The following KIFC3 variants were observed in gnomAD, a reference collection of about 807,000 sequenced individuals.
KIFC3 encodes kinesin-like protein KIFC3.
A neutral mutation model predicts 101.8 loss-of-function variants in KIFC3; 60 were observed. The observed-to-expected ratio is 0.59, with a 90% CI of 0.48 to 0.73. The LOEUF (loss-of-function observed/expected upper bound fraction) is 0.73, where lower values mean the gene tolerates loss of function less well. Ranked by LOEUF, KIFC3 falls within the 30% of genes least tolerant of loss-of-function variation. KIFC3 has a pLI of 0.00. For synonymous variants in KIFC3, 476 were observed against 482.7 expected, an observed-to-expected ratio of 0.99 and a Z score of 0.18; for missense variants, 966 against 1,137.1, an observed-to-expected ratio of 0.85 and a Z score of 2.16.
At chr16:57,850,598 C>G (rs2056032807) in intron 1 of KIFC3, among the ~76,000 whole-genome samples, 1 of 150,202 alleles carries the variant, frequency 6.7e-6, no homozygotes, top group African/African-American at 2.4e-5. Flanking sequence ...GCCTCAGCCT[C>G]CCAAATAGCT....
upstream of KIFC3, among the ~76,000 whole-genome samples, chr16:57,806,296 G>A (rs1198524491): frequency 6.6e-6 from 1 of 152,126 alleles, no homozygotes; most frequent in Non-Finnish European, 1.5e-5. Flanking sequence ...TGCCTGGAAA[G>A]CCCCTCTCCT....
chr16:57,824,929 C>T (rs528232588), intron 1 of KIFC3, among the ~76,000 whole-genome samples: 1 of 152,286 alleles, frequency 6.6e-6, no homozygotes, highest in East Asian at 1.9e-4. Flanking sequence ...CCAATGTGAG[C>T]CAGCACCATT....
chr16:57,771,568 G>A lies in KIFC3; in HGVS notation c.500C>T (p.Pro167Leu), dbSNP rs542693911. 6.2e-7 allele frequency: 1 copy of A among 1,613,442 alleles called. No homozygotes were observed. Among genetic ancestry groups the A allele is most frequent in the South Asian group, 1.1e-5 (1 of 91,068 alleles). ...CTGGCTGTGCTCACAACCTGGGCAG[G>A]GACCTGCTGGCTTTGTGCGCAGCTC... ...LQELRTKPAGPCPGCEHSQES... is the reference protein window; with the variant it reads ...LQELRTKPAGLCPGCEHSQES... The change falls in exon 5 of 20, where the codon CCC becomes CTC. Residue 167 changes from proline (P) to leucine (L), a missense_variant. Physicochemically the swap from Pro to Leu is moderately conservative, Grantham distance 98 (BLOSUM62 -3). Transcript: ENST00000445690.
At chr16:57,797,473 G>A (rs577441910) in intron 2 of KIFC3, among the ~76,000 whole-genome samples, 2 of 152,190 alleles carry the variant, frequency 1.3e-5, no homozygotes, top group South Asian at 2.1e-4. Context: ...CCAGAAAGGC[G>A]AGCTGGCACT....
chr16:57,831,396 G>A (rs74450252), intron 1 of KIFC3, among the ~76,000 whole-genome samples: 2,122 of 152,316 alleles, frequency 0.014, 49 homozygotes, highest in African/African-American at 0.049. Flanking sequence ...TTATTAGAAC[G>A]CATCTTAAGG....
chr16:57,798,611 A>ACCGCGAGTCAGCAGCATCT (rs1231034993), intron 1 of KIFC3: 31 of 424,456 alleles, frequency 7.3e-5, no homozygotes, highest in African/African-American at 4.0e-4. Context: ...CAGAGGAGGC[A>ACCGCGAGTCAGCAGCATCT]CCGCGAGTCA....
chr16:57,803,760 C>G (rs1440857227), upstream of KIFC3, among the ~76,000 whole-genome samples: 2 of 152,204 alleles, frequency 1.3e-5, no homozygotes, highest in Non-Finnish European at 2.9e-5. Context: ...ATGTAACGCT[C>G]CTGGAATCAT....
rs1163414231 is a variant in KIFC3 at position 57,808,575 on chromosome 16, T to C, written c.109-10293A>G. ...AAATTTTTTTTTTTCTGCACAAATC[T>C]AATAGAAACCAAGAGAGAGAGGAAA... On this transcript the variant is annotated intron_variant, in intron 1 of 2. Transcript: ENST00000563028. Among the ~76,000 whole-genome samples, 3 of 152,262 alleles carry C rather than the reference T, an allele frequency of 2.0e-5. No homozygotes were observed. In the East Asian group the frequency reaches 5.8e-4, roughly 29 times the overall value.
At chr16:57,857,962 C>T (rs2056214976) in intron 1 of KIFC3, among the ~76,000 whole-genome samples, 1 of 150,808 alleles carries the variant, frequency 6.6e-6, no homozygotes, top group Admixed American at 6.7e-5. Flanking sequence ...GAGTAGCTGG[C>T]ACATGCCACC....
chr16:57,773,163 T>C (rs1018013908), intron 3 of KIFC3, among the ~76,000 whole-genome samples: 1 of 152,218 alleles, frequency 6.6e-6, no homozygotes, highest in East Asian at 1.9e-4. Context: ...GTACTTTTCT[T>C]GCAGAACGTC....
chr16:57,769,910 G>C lies in KIFC3; in HGVS notation c.985C>G (p.Leu329Val). 6.2e-7 allele frequency: 1 copy of C among 1,613,838 alleles called. No homozygotes were observed. Among genetic ancestry groups the C allele is most frequent in the Non-Finnish European group, 8.5e-7 (1 of 1,180,026 alleles). ...SELERAHGQM[L>V]EEMQSLEEDK... ...TCTTCCAGGGACTGCATCTCCTCCA[G>C]CATCTGCCCATGGGCCCGCTCCAGC... The change falls in exon 8 of 20, where the codon CTG becomes GTG. Residue 329 changes from leucine (L) to valine (V), a missense_variant. Leu to Val is a conservative substitution (Grantham distance 32). This residue lies in a region of KIFC3 where 689 missense variants were observed against 884.6 expected (regional missense o/e 0.78). Coordinates refer to ENST00000445690, the MANE Select transcript of KIFC3 (RefSeq NM_001130100.2). The surrounding 1 kb of genome is among the most constrained non-coding windows in gnomAD (Gnocchi z 4.3).
At chr16:57,780,559 G>A (rs1211256183) in intron 3 of KIFC3, among the ~76,000 whole-genome samples, 13 of 121,264 alleles carry the variant, frequency 1.1e-4, no homozygotes, top group East Asian at 2.3e-4. Flanking sequence ...TTTATGTTAC[G>A]TCTATTTTTA....
intron 1 of KIFC3, among the ~76,000 whole-genome samples, chr16:57,844,302 C>T (rs1027309144): frequency 3.3e-5 from 5 of 151,108 alleles, no homozygotes; most frequent in East Asian, 3.9e-4. Flanking sequence ...TGGTGGCAGG[C>T]GCCTGTAATC....
chr16:57,812,204 G>A (rs563415137), intron 1 of KIFC3, among the ~76,000 whole-genome samples: 6 of 151,772 alleles, frequency 4.0e-5, no homozygotes, highest in Admixed American at 2.0e-4. Flanking sequence ...CACCTCGCCC[G>A]GCTAATTTTT....
chr16:57,769,734 A>T lies in KIFC3; in HGVS notation c.1088-9T>A. 1 of 1,612,756 alleles carries T rather than the reference A, an allele frequency of 6.2e-7. No homozygotes were observed. The highest frequency in any genetic ancestry group is 8.5e-7 in the Non-Finnish European group (1 of 1,179,684). On this transcript the variant is annotated splice_polypyrimidine_tract_variant and intron_variant, in intron 8 of 19. Transcript: ENST00000445690. This position sits in a 1 kb window ranked among gnomAD's most constrained non-coding sequence, Gnocchi z 4.3. ...CAAGTTGGTCCGGACGCCTATGGGG[A>T]CACTCGGGCTGTGAGGCGGGAGGGG...
intron 1 of KIFC3, chr16:57,830,565 T>C (rs1259335571): frequency 6.6e-6 from 1 of 152,162 alleles, no homozygotes; most frequent in Non-Finnish European, 1.5e-5. Context: ...CGAATTTGCA[T>C]GTCATCCTTG....
At chr16:57,803,001 G>A (rs1367753129), upstream of KIFC3, 34 of 1,535,656 alleles carry the variant, frequency 2.2e-5, no homozygotes, top group Non-Finnish European at 2.8e-5. Flanking sequence ...CCTTGCACGC[G>A]CTGGCGCACA....
chr16:57,814,342 C>A (rs1157776561), intron 1 of KIFC3, among the ~76,000 whole-genome samples: 3 of 152,190 alleles, frequency 2.0e-5, no homozygotes, highest in Admixed American at 6.5e-5. Context: ...TCACCTAGCA[C>A]TGGATTCACA....
At chr16:57,845,933 G>T (rs993432165) in intron 1 of KIFC3, among the ~76,000 whole-genome samples, 2 of 152,190 alleles carry the variant, frequency 1.3e-5, no homozygotes, top group African/African-American at 2.4e-5. Context: ...CTTACAGAGG[G>T]TTCTTTAAGA....
Sources: gnomAD v4.1 joint callset for allele counts (sites outside exome capture counted in the v4.1 genomes callset) on GRCh38, gnomAD v4.1.1 for gene constraint, gnomAD v4.1.1 regional missense constraint, Gnocchi (gnomAD v3.1) non-coding constraint, MANE v1.5 for transcripts, NCBI Gene and HGNC (gene_info 2026-07-23, HGNC 2026-07-21) for gene names.